The following NRIP1 variants were observed in gnomAD, a reference collection of about 807,000 sequenced individuals.
NRIP1 encodes nuclear receptor-interacting protein 1.
Under a neutral mutation model 75.0 loss-of-function variants are expected in NRIP1, and 28 were observed. The ratio of observed to expected loss-of-function variants is 0.37; its 90% confidence interval spans 0.28 to 0.51. The LOEUF (loss-of-function observed/expected upper bound fraction) is 0.51, where lower values mean the gene tolerates loss of function less well. Ranked by LOEUF, NRIP1 falls within the 20% of genes least tolerant of loss-of-function variation. The pLI, the probability that NRIP1 is intolerant of heterozygous loss-of-function variation, is 0.92. For missense variants in NRIP1, 1,435 were observed against 1,343.7 expected, an observed-to-expected ratio of 1.07 and a Z score of -1.06; for synonymous variants, 526 against 487.6, an observed-to-expected ratio of 1.08 and a Z score of -1.04.
In NRIP1 at chr21:14,967,853, C is replaced by A; in HGVS notation, c.340G>T (p.Ala114Ser). The A allele has an allele frequency of 6.2e-7, 1 of 1,614,050 alleles. No individual in the cohort carries two copies. The highest frequency in any genetic ancestry group is 1.1e-5 in the South Asian group (1 of 91,082). The change falls in exon 4 of 4, where the codon GCT becomes TCT. Residue 114 changes from alanine to serine, a missense_variant. Coordinates refer to ENST00000318948, the MANE Select transcript of NRIP1 (RefSeq NM_003489.4). ...SIMNLNVKKE[A>S]LLAGMVDSVP... ...CTGTCAACCATGCCAGCTAGCAAAG[C>A]TTCCTTCTTTACGTTTAAATTCATG...
intron 2 of NRIP1, among the ~76,000 whole-genome samples, chr21:15,032,672 C>T (rs1183515360): frequency 3.9e-5 from 6 of 152,168 alleles, no homozygotes; most frequent in Admixed American, 3.9e-4. Context: ...ATGTCTTGCT[C>T]ATTGTAAGGT....
intron 2 of NRIP1, among the ~76,000 whole-genome samples, chr21:15,041,864 A>G (rs540512803): frequency 6.6e-6 from 1 of 152,256 alleles, no homozygotes; most frequent in East Asian, 1.9e-4. Flanking sequence ...TTTTACTGAT[A>G]AAGTATATTT....
intron 2 of NRIP1, among the ~76,000 whole-genome samples, chr21:15,043,254 C>A (rs1177600126): frequency 5.3e-5 from 8 of 152,126 alleles, no homozygotes; most frequent in African/African-American, 1.9e-4. Context: ...AATGTAAATA[C>A]CTCAGTGTTT....
At chr21:14,979,979 C>T (rs1432087160) in intron 3 of NRIP1, among the ~76,000 whole-genome samples, 1 of 152,130 alleles carries the variant, frequency 6.6e-6, no homozygotes, top group Non-Finnish European at 1.5e-5. Context: ...GCTTTTGACC[C>T]ATCTGAAACT....
At chr21:15,009,873 G>A (rs919141203) in intron 3 of NRIP1, among the ~76,000 whole-genome samples, 4 of 152,092 alleles carry the variant, frequency 2.6e-5, no homozygotes, top group African/African-American at 9.7e-5. Context: ...ATAAAAGTGA[G>A]TTACTAAAAA....
chr21:15,040,577 A>G (rs1450830326), intron 2 of NRIP1, among the ~76,000 whole-genome samples: 1 of 152,118 alleles, frequency 6.6e-6, no homozygotes, highest in Non-Finnish European at 1.5e-5. Flanking sequence ...TAAATATTCA[A>G]AGAGGTGTCC....
chr21:14,991,854 C>T (rs2087581352), intron 3 of NRIP1, among the ~76,000 whole-genome samples: 1 of 152,176 alleles, frequency 6.6e-6, no homozygotes, highest in South Asian at 2.1e-4. Context: ...TGTCAAAAGA[C>T]TTCCTAATAT....
At chr21:15,005,139 A>G (rs1352397296) in intron 3 of NRIP1, among the ~76,000 whole-genome samples, 2 of 152,246 alleles carry the variant, frequency 1.3e-5, no homozygotes, top group Non-Finnish European at 2.9e-5. Flanking sequence ...AATTCAAAGC[A>G]ATGACAAATA....
At chr21:14,986,529 A>G (rs1422014627) in intron 3 of NRIP1, among the ~76,000 whole-genome samples, 1 of 152,218 alleles carries the variant, frequency 6.6e-6, no homozygotes, top group Non-Finnish European at 1.5e-5. Context: ...AACTTTAATA[A>G]CATTTCTCAG....
intron 3 of NRIP1, among the ~76,000 whole-genome samples, chr21:15,013,299 T>C (rs1316211316): frequency 6.6e-6 from 1 of 152,180 alleles, no homozygotes; most frequent in Non-Finnish European, 1.5e-5. Flanking sequence ...TTTAAGTGGG[T>C]GATTAAAATA....
At chr21:15,027,847 C>CAA (rs1197112657) in intron 2 of NRIP1, among the ~76,000 whole-genome samples, 1 of 152,024 alleles carries the variant, frequency 6.6e-6, no homozygotes, top group Non-Finnish European at 1.5e-5. Flanking sequence ...CCATGACAGC[C>CAA]AAAACTGTGA....
At chr21:14,984,762 A>G (rs1177923667) in intron 3 of NRIP1, among the ~76,000 whole-genome samples, 1 of 152,208 alleles carries the variant, frequency 6.6e-6, no homozygotes, top group Non-Finnish European at 1.5e-5. Flanking sequence ...AAATCATTAC[A>G]GAGACCCCAA....
At chr21:15,029,025 C>A (rs1328310985) in intron 2 of NRIP1, among the ~76,000 whole-genome samples, 6 of 151,990 alleles carry the variant, frequency 3.9e-5, no homozygotes, top group Non-Finnish European at 7.4e-5. Context: ...CACATACAAT[C>A]TTTTAGCAAA....
chr21:15,053,749 C>T (rs552755875), intron 1 of NRIP1, among the ~76,000 whole-genome samples: 4 of 152,150 alleles, frequency 2.6e-5, no homozygotes, highest in East Asian at 3.9e-4. Context: ...TTCCTTTTTG[C>T]TATGATTTAC....
Position 14,964,752 on chromosome 21 carries a change from CA to C in NRIP1, c.3440del (p.Leu1147ArgfsTer5). On this transcript the variant is annotated frameshift_variant, in exon 4 of 4. Coordinates refer to ENST00000318948, the MANE Select transcript of NRIP1 (RefSeq NM_003489.4). LOFTEE classifies it high-confidence loss of function. ...HSANGEVYGL[L>X]GSVLTIKKES... ...CTTTCTTTATCGTTAGCACGCTTCC[CA>C]GAAGTCCATAAACTTCTCCATTTGC... is the stretch of plus-strand genomic sequence containing the variant. 6.4e-7 allele frequency: 1 copy of C among 1,573,172 alleles called. No individual in the cohort carries two copies. The highest frequency in any genetic ancestry group is 8.6e-7 in the Non-Finnish European group (1 of 1,166,118).
intron 3 of NRIP1, among the ~76,000 whole-genome samples, chr21:14,970,004 T>G (rs2086860651): frequency 6.6e-6 from 1 of 152,220 alleles, no homozygotes; most frequent in Non-Finnish European, 1.5e-5. Context: ...ATGGTTATCA[T>G]GACTGCCACC....
intron 1 of NRIP1, among the ~76,000 whole-genome samples, chr21:15,048,088 G>T (rs149109899): frequency 6.6e-6 from 1 of 152,144 alleles, no homozygotes; most frequent in Non-Finnish European, 1.5e-5. Context: ...GAACAAGTTC[G>T]CCGGCTGATA....
intron 3 of NRIP1, among the ~76,000 whole-genome samples, chr21:14,972,561 TA>T (rs2086931718): frequency 6.6e-6 from 1 of 152,218 alleles, no homozygotes; most frequent in South Asian, 2.1e-4. Flanking sequence ...TGGTTTTATA[TA>T]AATATAACTT....
chr21:15,061,588 C>G (rs1306269367), intron 1 of NRIP1, among the ~76,000 whole-genome samples: 2 of 152,138 alleles, frequency 1.3e-5, no homozygotes, highest in African/African-American at 4.8e-5. Flanking sequence ...AAAACTGACC[C>G]TAGCACAATT....
Sources: gnomAD v4.1 joint callset for allele counts (sites outside exome capture counted in the v4.1 genomes callset) on GRCh38, gnomAD v4.1.1 for gene constraint, MANE v1.5 for transcripts, NCBI Gene and HGNC (gene_info 2026-07-23, HGNC 2026-07-21) for gene names.